Variants in DAB2IP observed in about 807,000 individuals in gnomAD.
DAB2IP encodes disabled homolog 2-interacting protein.
Under a neutral mutation model 107.2 loss-of-function variants are expected in DAB2IP, and 28 were observed. The observed-to-expected ratio is 0.26, with a 90% CI of 0.19 to 0.36. DAB2IP has a LOEUF of 0.36. Ranked by LOEUF, DAB2IP falls within the 10% of genes least tolerant of loss-of-function variation. DAB2IP has a pLI of 1.00. For synonymous variants in DAB2IP, 755 were observed against 706.4 expected (o/e 1.07, Z -1.09); for missense variants, 1,400 against 1,644.7 (o/e 0.85, Z 2.57).
chr9:121,768,615 C>T (rs766836583), exon 10 of DAB2IP: 18 of 1,613,750 alleles, frequency 1.1e-5, no homozygotes, highest in Middle Eastern at 1.7e-4. Flanking sequence ...TCTGGGAGGC[C>T]GTCAGCCAGC....
In DAB2IP at chr9:121,699,860, C is replaced by G. The variant is rs1485133748; in HGVS notation, c.362+402C>G. Among the ~76,000 whole-genome samples the G allele has an allele frequency of 5.9e-5, 9 of 152,198 alleles. No individual in the cohort carries two copies. Among genetic ancestry groups the G allele is most frequent in the Non-Finnish European group, 1.0e-4 (7 of 68,030 alleles). On this transcript the variant is annotated intron_variant, in intron 3 of 15. Transcript: ENST00000408936. This position sits in a 1 kb window ranked among gnomAD's most constrained non-coding sequence, Gnocchi z 6.2. ...CCCTGCCTTGGGAGCCCCTGGGTATCAGATACAAAAGGCATTTTCGGCCGG... is the reference window on the plus strand; with the variant it reads ...CCCTGCCTTGGGAGCCCCTGGGTATGAGATACAAAAGGCATTTTCGGCCGG...
At chr9:121,744,485 C>T (rs779235362) in intron 3 of DAB2IP, among the ~76,000 whole-genome samples, 20 of 152,218 alleles carry the variant, frequency 1.3e-4, no homozygotes, top group Non-Finnish European at 2.6e-4. Context: ...TTCATTGCCA[C>T]GGCTGGGGGC....
chr9:121,758,418 C>T (rs951544209), intron 4 of DAB2IP, among the ~76,000 whole-genome samples: 11 of 152,168 alleles, frequency 7.2e-5, no homozygotes, highest in East Asian at 3.9e-4. Flanking sequence ...TGCTGCTTGA[C>T]GGAAGAGAAC....
chr9:121,784,466 C>G (rs563239696), exon 16 of DAB2IP: 1 of 153,184 alleles, frequency 6.5e-6, no homozygotes, highest in African/African-American at 2.4e-5. Context: ...GGAGGCTACC[C>G]GCTGTGGCCG....
intron 1 of DAB2IP, among the ~76,000 whole-genome samples, chr9:121,658,472 C>T (rs137988750): frequency 4.9e-4 from 74 of 152,312 alleles, no homozygotes; most frequent in Admixed American, 1.1e-3. Context: ...ATCGCGTGCC[C>T]GCTCTAGGAG....
chr9:121,691,403 G>T (rs1829152901), intron 2 of DAB2IP, among the ~76,000 whole-genome samples: 1 of 152,030 alleles, frequency 6.6e-6, no homozygotes, highest in South Asian at 2.1e-4. Context: ...AGGAGGAACA[G>T]CCCAGGCCCT....
chr9:121,582,792 A>G (rs1424474229), intron 1 of DAB2IP, among the ~76,000 whole-genome samples: 10 of 152,198 alleles, frequency 6.6e-5, no homozygotes, highest in African/African-American at 2.2e-4. Context: ...CCCACCCCCG[A>G]AACGGGACAA....
intron 6 of DAB2IP, among the ~76,000 whole-genome samples, chr9:121,761,501 G>A (rs1487996306): frequency 6.6e-6 from 1 of 152,202 alleles, no homozygotes; most frequent in Non-Finnish European, 1.5e-5. Context: ...GACTCGTGGA[G>A]GTCCCTCACC....
chr9:121,669,842 G>A (rs1176694304), intron 1 of DAB2IP, among the ~76,000 whole-genome samples: 1 of 152,140 alleles, frequency 6.6e-6, no homozygotes, highest in African/African-American at 2.4e-5. Flanking sequence ...TTGCGATTAT[G>A]TCTAAAAGGA....
At chr9:121,578,456 G>A (rs1296247528) in intron 1 of DAB2IP, among the ~76,000 whole-genome samples, 2 of 151,912 alleles carry the variant, frequency 1.3e-5, no homozygotes, top group African/African-American at 4.8e-5. Flanking sequence ...GTGCCCGGCA[G>A]CAAGAGAAAA....
intron 3 of DAB2IP, among the ~76,000 whole-genome samples, chr9:121,735,460 A>G (rs1831831573): frequency 6.6e-6 from 1 of 152,226 alleles, no homozygotes; most frequent in Admixed American, 6.5e-5. Flanking sequence ...GTAGGAGCTC[A>G]GTAGTTGTTT....
In DAB2IP at chr9:121,684,210, T is replaced by A. The variant is rs549356668; in HGVS notation, c.228+5429T>A. Among the ~76,000 whole-genome samples the A allele has an allele frequency of 6.6e-6, 1 of 152,174 alleles. No homozygotes were observed. Among genetic ancestry groups the A allele is most frequent in the Non-Finnish European group, 1.5e-5 (1 of 68,028 alleles). ...GGTGACCCTCCCGCCCATGTCACCA[T>A]GGAAAGGCTGTTGGAAATTAACTGG... On this transcript the variant is annotated intron_variant, in intron 2 of 15. Transcript: ENST00000408936. The surrounding 1 kb of genome is among the most constrained non-coding windows in gnomAD (Gnocchi z 4.0).
chr9:121,580,781 C>T (rs1052503676), intron 1 of DAB2IP, among the ~76,000 whole-genome samples: 8 of 152,164 alleles, frequency 5.3e-5, no homozygotes, highest in Non-Finnish European at 1.0e-4. Context: ...CCAACCACCA[C>T]GCCCAGCTAA....
chr9:121,755,438 TC>T lies in DAB2IP; in HGVS notation c.363-1574del, dbSNP rs1833412718. On this transcript the variant is annotated intron_variant, in intron 3 of 15. Transcript: ENST00000408936. Reference sequence around the variant, plus strand: ...TCTTGAACTTGTCTCACAGTTTTCCTCTGGCTCTGCCCATTCCCTCTGCTTT... The same window carrying T: ...TCTTGAACTTGTCTCACAGTTTTCCTTGGCTCTGCCCATTCCCTCTGCTTT... Among the ~76,000 whole-genome samples the T allele has an allele frequency of 3.3e-5, 5 of 152,222 alleles. No individual in the cohort carries two copies. The South Asian group carries it at 1.0e-3, about 32-fold the overall frequency.
chr9:121,737,173 A>T, intron 3 of DAB2IP: 1 of 921,292 alleles, frequency 1.1e-6, no homozygotes, highest in South Asian at 4.9e-5. Context: ...CTTGACCCAG[A>T]CCTCTGTGCT....
chr9:121,581,151 T>G (rs1830186146), intron 1 of DAB2IP, among the ~76,000 whole-genome samples: 1 of 152,110 alleles, frequency 6.6e-6, no homozygotes, highest in South Asian at 2.1e-4. Flanking sequence ...CTGAGGCAGC[T>G]CAGGTGAGGC....
At chr9:121,741,019 A>T (rs990821828) in intron 3 of DAB2IP, among the ~76,000 whole-genome samples, 5 of 152,214 alleles carry the variant, frequency 3.3e-5, no homozygotes, top group Admixed American at 1.3e-4. Flanking sequence ...GGTGGAGGTT[A>T]AGGCACCCAG....
In DAB2IP at chr9:121,782,256, C is replaced by T. The variant is rs72770702; in HGVS notation, c.3403-75C>T. The T allele has an allele frequency of 6.9e-4, 1,066 of 1,540,318 alleles. 1 individual carries two copies. The highest frequency in any genetic ancestry group is 8.7e-4 in the Non-Finnish European group (992 of 1,138,126). On this transcript the variant is annotated intron_variant, in intron 15 of 15. Transcript: ENST00000408936. The surrounding 1 kb of genome is among the most constrained non-coding windows in gnomAD (Gnocchi z 6.1). ...CTCATCTCCAGGCCACCCCCTTCCC[C>T]GATGCTTGTCGTAGGTATACACAGC...
At chr9:121,774,350 G>A (rs1835024545) in exon 13 of DAB2IP, 4 of 1,613,114 alleles carry the variant, frequency 2.5e-6, no homozygotes, top group South Asian at 1.1e-5. Context: ...CGAGGGCCTG[G>A]GCCCAGACCC....
Sources: gnomAD v4.1 joint callset for allele counts (sites outside exome capture counted in the v4.1 genomes callset) on GRCh38, gnomAD v4.1.1 for gene constraint, Gnocchi (gnomAD v3.1) non-coding constraint, MANE v1.5 for transcripts, NCBI Gene and HGNC (gene_info 2026-07-23, HGNC 2026-07-21) for gene names.